PRKCB: variants seen among roughly 807,000 people sequenced by gnomAD.
PRKCB encodes protein kinase C beta, also known as protein kinase C beta type.
PRKCB carries 13 observed loss-of-function variants against 81.5 expected under a neutral mutation model. The ratio of observed to expected loss-of-function variants is 0.16; its 90% CI spans 0.10 to 0.25. The LOEUF is 0.25. Ranked by LOEUF, PRKCB falls within the 10% of genes least tolerant of loss-of-function variation. The pLI is 1.00. For synonymous variants in PRKCB, 335 were observed against 321.4 expected, an observed-to-expected ratio of 1.04 and a Z score of -0.45; for missense variants, 509 against 875.7, an observed-to-expected ratio of 0.58 and a Z score of 5.29.
At chr16:24,161,192 A>C (rs913718981) in intron 10 of PRKCB, among the ~76,000 whole-genome samples, 1 of 152,224 alleles carries the variant, frequency 6.6e-6, no homozygotes, top group Non-Finnish European at 1.5e-5. Context: ...ATTTTTTAAA[A>C]ATCAATTTTT....
intron 15 of PRKCB, among the ~76,000 whole-genome samples, chr16:24,187,654 T>TTTTTGTTTTG (rs374822483): frequency 3.2e-4 from 47 of 147,340 alleles, no homozygotes; most frequent in Middle Eastern, 3.5e-3. Flanking sequence ...GCACAAGGTG[T>TTTTTGTTTTG]TTTTGTTTTG....
chr16:24,210,278 A>C (rs1596600829), intron 16 of PRKCB, among the ~76,000 whole-genome samples: 1 of 151,766 alleles, frequency 6.6e-6, no homozygotes, highest in East Asian at 1.9e-4. Context: ...CCCCTTGGTC[A>C]CTCTGCTCTG....
At chr16:23,960,683 G>A (rs1263707045) in intron 2 of PRKCB, among the ~76,000 whole-genome samples, 2 of 152,160 alleles carry the variant, frequency 1.3e-5, no homozygotes, top group Non-Finnish European at 2.9e-5. Flanking sequence ...AAATGTCCAT[G>A]TGTTCTCATT....
chr16:24,175,333 C>G (rs1471240718), intron 12 of PRKCB, among the ~76,000 whole-genome samples: 1 of 151,920 alleles, frequency 6.6e-6, no homozygotes, highest in African/African-American at 2.4e-5. Context: ...CCACAAGAGT[C>G]TCTTCCATTC....
chr16:23,865,192 A>G (rs1481533653), intron 2 of PRKCB, among the ~76,000 whole-genome samples: 1 of 151,938 alleles, frequency 6.6e-6, no homozygotes, highest in Non-Finnish European at 1.5e-5. Flanking sequence ...GAAATGGGTA[A>G]ATTTCCTTTG....
At chr16:24,075,018 C>G (rs553957174) in intron 5 of PRKCB, among the ~76,000 whole-genome samples, 5 of 151,354 alleles carry the variant, frequency 3.3e-5, no homozygotes, top group Non-Finnish European at 5.9e-5. Flanking sequence ...ACTCGGGAGG[C>G]TGAGGCAGAA....
At chr16:24,028,095 T>A (rs1965504897) in intron 3 of PRKCB, among the ~76,000 whole-genome samples, 2 of 152,098 alleles carry the variant, frequency 1.3e-5, no homozygotes, top group South Asian at 4.1e-4. Context: ...TTTTTTCTTT[T>A]TTCTTTTTTT....
At chr16:23,878,836 G>A (rs559980184) in intron 2 of PRKCB, among the ~76,000 whole-genome samples, 1 of 152,160 alleles carries the variant, frequency 6.6e-6, no homozygotes, top group South Asian at 2.1e-4. Context: ...GGAGTGTAGA[G>A]GAGGCTTTGT....
At chr16:23,848,585 A>T (rs1280412106) in intron 2 of PRKCB, among the ~76,000 whole-genome samples, 1 of 152,166 alleles carries the variant, frequency 6.6e-6, no homozygotes, top group Non-Finnish European at 1.5e-5. Flanking sequence ...TTCCTCTGAA[A>T]GGCATCCTCC....
chr16:23,935,014 T>C (rs1964038760), intron 2 of PRKCB, among the ~76,000 whole-genome samples: 1 of 152,196 alleles, frequency 6.6e-6, no homozygotes, highest in South Asian at 2.1e-4. Flanking sequence ...AGGGATTTGC[T>C]TGGGGCAGCA....
chr16:24,050,010 G>A (rs773504636), intron 5 of PRKCB, among the ~76,000 whole-genome samples: 2 of 152,208 alleles, frequency 1.3e-5, no homozygotes, highest in African/African-American at 2.4e-5. Flanking sequence ...GGACAAGTAG[G>A]AGTTGGTAGG....
chr16:24,206,214 A>T (rs1002216308), intron 16 of PRKCB, among the ~76,000 whole-genome samples: 5 of 152,342 alleles, frequency 3.3e-5, no homozygotes, highest in Non-Finnish European at 1.5e-5. Flanking sequence ...ATGACTTTTT[A>T]AAATGATCAA....
intron 16 of PRKCB, among the ~76,000 whole-genome samples, chr16:24,195,798 C>T (rs1744900468): frequency 6.6e-6 from 1 of 152,154 alleles, no homozygotes; most frequent in Non-Finnish European, 1.5e-5. Flanking sequence ...CTTTTGAGGT[C>T]TTCCAGTGCT....
chr16:24,220,228 G>T lies in PRKCB; in HGVS notation c.*5412G>T, dbSNP rs1968302286. 4 of 1,335,814 alleles carry T rather than the reference G, an allele frequency of 3.0e-6. No homozygotes were observed. Among genetic ancestry groups the T allele is most frequent in the South Asian group, 1.4e-5 (1 of 70,656 alleles). The allele number at this position is 1,335,814 out of a possible 1,614,324, so 82.7% of individuals were successfully genotyped here. A position where few individuals can be genotyped will look rare whatever the true frequency, so the allele number is the denominator to read the frequency against. On this transcript the variant is annotated 3_prime_UTR_variant, in exon 17 of 17. Transcript: ENST00000643927. ...CATGCTGGCATTCAACATGTGGAAA[G>T]CTTGTCTTAGAGGGCTTTTCTTTGT...
intron 2 of PRKCB, among the ~76,000 whole-genome samples, chr16:23,950,424 G>A (rs1363525800): frequency 1.3e-5 from 2 of 152,194 alleles, no homozygotes; most frequent in African/African-American, 4.8e-5. Flanking sequence ...GACTTCCCAG[G>A]ACTGGGCCAG....
rs534121286 is a variant in PRKCB at position 23,837,556 on chromosome 16, C to G, written c.205+150C>G. ...AGGAATTCTTCACCACAACAGGGTC[C>G]TTTCAAGGGGTGTGTGTGTGACTGG... On this transcript the variant is annotated intron_variant, in intron 2 of 16. Coordinates refer to ENST00000643927, the MANE Select transcript of PRKCB (RefSeq NM_002738.7). 1.2e-5 allele frequency: 12 copies of G among 991,610 alleles called. No individual in the cohort carries two copies. The South Asian group carries it at 1.6e-4, about 13-fold the overall frequency. 61.4% of individuals were successfully genotyped at this position (991,610 alleles called of 1,614,324 possible).
chr16:24,088,129 C>T (rs971322856), intron 5 of PRKCB, among the ~76,000 whole-genome samples: 1 of 152,202 alleles, frequency 6.6e-6, no homozygotes, highest in Non-Finnish European at 1.5e-5. Flanking sequence ...ATGCGGCTCT[C>T]TTGCTGCTGG....
intron 9 of PRKCB, among the ~76,000 whole-genome samples, chr16:24,131,560 A>T (rs1180027926): frequency 6.6e-6 from 1 of 152,206 alleles, no homozygotes; most frequent in Admixed American, 6.5e-5. Flanking sequence ...TGCACCTGTT[A>T]TGGGTTTTTC....
intron 2 of PRKCB, among the ~76,000 whole-genome samples, chr16:23,902,115 C>A (rs759443154): frequency 6.6e-6 from 1 of 152,090 alleles, no homozygotes; most frequent in Non-Finnish European, 1.5e-5. Flanking sequence ...ACCCAGCAGA[C>A]AGAGGGCAGC....
Sources: gnomAD v4.1 joint callset for allele counts (sites outside exome capture counted in the v4.1 genomes callset) on GRCh38, gnomAD v4.1.1 for gene constraint, MANE v1.5 for transcripts, NCBI Gene and HGNC (gene_info 2026-07-23, HGNC 2026-07-21) for gene names.